The following GALNT17 variants were observed in gnomAD, a reference collection of about 807,000 sequenced individuals.
GALNT17 encodes the protein UDP-GalNAc:polypeptide N-acetylgalactosaminyltransferase-like 3.
A neutral mutation model predicts 63.7 loss-of-function variants in GALNT17; 29 were observed. That is an observed-to-expected ratio of 0.46 (90% CI 0.34 to 0.62). The LOEUF is 0.62. Ranked by LOEUF, GALNT17 falls within the 20% of genes least tolerant of loss-of-function variation. GALNT17 has a pLI of 0.01. For synonymous variants in GALNT17, 305 were observed against 318.3 expected (o/e 0.96, Z 0.45); for missense variants, 603 against 799.6 (o/e 0.75, Z 2.97).
intron 1 of GALNT17, among the ~76,000 whole-genome samples, chr7:71,141,746 G>C (rs1437593585): frequency 6.7e-6 from 1 of 148,224 alleles, no homozygotes; most frequent in Non-Finnish European, 1.5e-5. Flanking sequence ...GCATGATCTC[G>C]GCTCACTGCA....
chr7:71,420,860 C>T (rs368231359), intron 4 of GALNT17, 48 bp from the exon 5 acceptor site: 131 of 1,603,568 alleles, frequency 8.2e-5, no homozygotes, highest in Non-Finnish European at 1.1e-4. Flanking sequence ...GGGAGGTGTG[C>T]CTCACGGGAG....
At chr7:71,209,016 C>T (rs1027287147) in intron 1 of GALNT17, among the ~76,000 whole-genome samples, 10 of 152,186 alleles carry the variant, frequency 6.6e-5, no homozygotes, top group African/African-American at 2.4e-4. Context: ...TGGTCTCTGT[C>T]ATAACTACGC....
In GALNT17 at chr7:71,280,989, G is replaced by T. The variant is rs543850326; in HGVS notation, c.239-54561G>T. On this transcript the variant is annotated intron_variant, in intron 1 of 10. Coordinates refer to ENST00000333538, the MANE Select transcript of GALNT17 (RefSeq NM_022479.3). ...TGCTGGACAGATGAGAACCACAGAT[G>T]CCCAGAGATTGTAGTGGTCTCTCCA... Among the ~76,000 whole-genome samples the T allele has an allele frequency of 2.0e-5, 3 of 152,258 alleles. No individual in the cohort carries two copies. In the South Asian group the frequency reaches 6.2e-4, roughly 32 times the overall value.
At chr7:71,453,335 T>G (rs1787299773) in intron 5 of GALNT17, among the ~76,000 whole-genome samples, 1 of 152,158 alleles carries the variant, frequency 6.6e-6, no homozygotes, top group South Asian at 2.1e-4. Context: ...TAACTGAGAC[T>G]AGGAAATTTA....
intron 1 of GALNT17, among the ~76,000 whole-genome samples, chr7:71,229,804 G>C (rs1789754352): frequency 6.6e-6 from 1 of 152,216 alleles, no homozygotes; most frequent in Non-Finnish European, 1.5e-5. Context: ...CTAGTTCGAT[G>C]TCTGTGACAA....
chr7:71,480,537 G>A (rs527859441), intron 5 of GALNT17, among the ~76,000 whole-genome samples: 8 of 150,274 alleles, frequency 5.3e-5, no homozygotes, highest in Non-Finnish European at 8.9e-5. Flanking sequence ...GAGCTCTGTC[G>A]CTCATGTCAC....
At chr7:71,238,260 A>G (rs1462933076) in intron 1 of GALNT17, among the ~76,000 whole-genome samples, 1 of 152,152 alleles carries the variant, frequency 6.6e-6, no homozygotes, top group East Asian at 1.9e-4. Flanking sequence ...TCAGGCATGG[A>G]GGGGACTCTG....
chr7:71,669,345 A>G (rs532332476), intron 7 of GALNT17, among the ~76,000 whole-genome samples: 1 of 151,824 alleles, frequency 6.6e-6, no homozygotes, highest in Non-Finnish European at 1.5e-5. Context: ...ATGAAACCCC[A>G]TCTCTAAATA....
chr7:71,560,656 T>G (rs1789241088), intron 5 of GALNT17, among the ~76,000 whole-genome samples: 1 of 152,174 alleles, frequency 6.6e-6, no homozygotes, highest in Non-Finnish European at 1.5e-5. Flanking sequence ...GTAGCTCTCT[T>G]TAGCACCGTC....
chr7:71,562,205 T>C (rs1271774366), intron 5 of GALNT17, among the ~76,000 whole-genome samples: 2 of 152,140 alleles, frequency 1.3e-5, no homozygotes, highest in African/African-American at 2.4e-5. Flanking sequence ...ACTCAAGCAA[T>C]CCTCTAGCCT....
intron 1 of GALNT17, chr7:71,307,556 G>A (rs1397101792): frequency 2.0e-5 from 3 of 151,978 alleles, no homozygotes; most frequent in Non-Finnish European, 4.4e-5. Flanking sequence ...TCTTAAGAGA[G>A]CAGAGAGTGG....
chr7:71,292,444 T>A (rs928234653), intron 1 of GALNT17, among the ~76,000 whole-genome samples: 2 of 152,226 alleles, frequency 1.3e-5, no homozygotes, highest in Non-Finnish European at 2.9e-5. Context: ...GGACATCTTA[T>A]TATATTCTTA....
intron 1 of GALNT17, among the ~76,000 whole-genome samples, chr7:71,191,764 G>T (rs2867042): frequency 6.6e-6 from 1 of 152,092 alleles, no homozygotes; most frequent in East Asian, 1.9e-4. Context: ...TTGTGTGCCT[G>T]CATTTTCATT....
At chr7:71,382,233 A>T (rs1233235988) in intron 2 of GALNT17, among the ~76,000 whole-genome samples, 3 of 152,076 alleles carry the variant, frequency 2.0e-5, no homozygotes, top group African/African-American at 7.2e-5. Context: ...TAGAAAAATT[A>T]GCCGGGTGTG....
rs569566188 is a variant in GALNT17 at position 71,424,159 on chromosome 7, G to A, written c.962+3054G>A. On this transcript the variant is annotated intron_variant, in intron 5 of 10. Coordinates refer to ENST00000333538, the MANE Select transcript of GALNT17 (RefSeq NM_022479.3). ...TCTGCAAATAATATTAATAGTGTAA[G>A]GTTAACTAAATCTAAGCCTTCAGGG... 6.2e-4 allele frequency among the ~76,000 whole-genome samples: 95 copies of A among 152,274 alleles called. 1 individual carries two copies. The Middle Eastern group carries it at 0.01, about 16-fold the overall frequency.
intron 6 of GALNT17, among the ~76,000 whole-genome samples, chr7:71,579,463 A>G (rs1011194238): frequency 1.3e-5 from 2 of 152,246 alleles, no homozygotes; most frequent in East Asian, 3.8e-4. Context: ...GATGAGTGTG[A>G]AAAAACAAGA....
intron 3 of GALNT17, among the ~76,000 whole-genome samples, chr7:71,388,629 C>T (rs781383862): frequency 9.9e-5 from 15 of 151,916 alleles, no homozygotes; most frequent in Non-Finnish European, 1.5e-4. Context: ...CGGGTTCAAG[C>T]GATTCTCCTA....
At chr7:71,137,225 C>T (rs571760861) in intron 1 of GALNT17, among the ~76,000 whole-genome samples, 187 of 151,116 alleles carry the variant, frequency 1.2e-3, no homozygotes, top group African/African-American at 4.3e-3. Context: ...CTGCAAGCTC[C>T]GCCTCCCGGG....
intron 2 of GALNT17, among the ~76,000 whole-genome samples, chr7:71,363,987 G>A (rs948041870): frequency 6.6e-6 from 1 of 152,200 alleles, no homozygotes; most frequent in African/African-American, 2.4e-5. Context: ...AGTATGCAAG[G>A]AGGCAGCTTT....
Sources: gnomAD v4.1 joint callset for allele counts (sites outside exome capture counted in the v4.1 genomes callset) on GRCh38, gnomAD v4.1.1 for gene constraint, MANE v1.5 for transcripts, NCBI Gene and HGNC (gene_info 2026-07-23, HGNC 2026-07-21) for gene names.